The following SMG6 variants were observed in gnomAD, a reference collection of about 807,000 sequenced individuals.
SMG6 encodes the protein telomerase-binding protein EST1A.
Under a neutral mutation model 142.2 loss-of-function variants are expected in SMG6, and 66 were observed. The observed-to-expected ratio is 0.46, with a 90% CI of 0.38 to 0.57. The LOEUF (loss-of-function observed/expected upper bound fraction) is 0.57. SMG6 is among the 20% of genes least tolerant of loss of function. The probability of loss-of-function intolerance (pLI) is 0.00; values close to 1 mark genes in which losing one functional copy is unlikely to be tolerated. For synonymous variants in SMG6, 779 were observed against 702.4 expected, an observed-to-expected ratio of 1.11 and a Z score of -1.72; for missense variants, 1,793 against 1,832.0, an observed-to-expected ratio of 0.98 and a Z score of 0.39.
At chr17:2,147,420 C>T (rs1230591916) in intron 13 of SMG6, among the ~76,000 whole-genome samples, 1 of 151,970 alleles carries the variant, frequency 6.6e-6, no homozygotes. Context: ...TTATAGGCCA[C>T]ACAAGTAGCT....
chr17:2,201,583 G>A (rs560944444), intron 10 of SMG6, among the ~76,000 whole-genome samples: 11 of 150,616 alleles, frequency 7.3e-5, no homozygotes, highest in African/African-American at 2.0e-4. Flanking sequence ...TGCCAACTAC[G>A]CAGGAGAATA....
At chr17:2,258,062 C>CATATATATATAT (rs373477381) in intron 8 of SMG6, among the ~76,000 whole-genome samples, 3 of 120,322 alleles carry the variant, frequency 2.5e-5, no homozygotes, top group Non-Finnish European at 5.2e-5. Flanking sequence ...CACACACACA[C>CATATATATATAT]ACACATATAT....
chr17:2,274,837 A>G (rs940301158), intron 8 of SMG6, among the ~76,000 whole-genome samples: 1 of 152,172 alleles, frequency 6.6e-6, no homozygotes, highest in South Asian at 2.1e-4. Context: ...ACAAACACCT[A>G]TTGGCCACAT....
chr17:2,256,702 G>T lies in SMG6; in HGVS notation c.2662-11983C>A, dbSNP rs145369474. The stretch of plus-strand genomic sequence containing the variant: ...AGGTGGGAGAACTGCTGGAGCCTGG[G>T]AGGCAGAGATTGCAGTGAGCCGTGA... On this transcript the variant is annotated intron_variant, in intron 8 of 18. Coordinates refer to ENST00000263073, the MANE Select transcript of SMG6 (RefSeq NM_017575.5). Among the ~76,000 whole-genome samples the T allele has an allele frequency of 5.3e-3, 809 of 152,300 alleles. 12 individuals are homozygous for T. The highest frequency in any genetic ancestry group is 6.0e-3 in the South Asian group (29 of 4,822).
At chr17:2,240,083 C>T (rs1178652377) in intron 9 of SMG6, 1 of 152,212 alleles carries the variant, frequency 6.6e-6, no homozygotes, top group Admixed American at 6.5e-5. Context: ...GGCACCCCGA[C>T]TGAGTACTTC....
At chr17:2,278,495 G>A (rs1322942716) in intron 8 of SMG6, among the ~76,000 whole-genome samples, 3 of 152,092 alleles carry the variant, frequency 2.0e-5, no homozygotes, top group Non-Finnish European at 4.4e-5. Context: ...GTGAGCCACC[G>A]TACCCAGCCT....
chr17:2,280,834 G>C (rs1281333512), intron 8 of SMG6, among the ~76,000 whole-genome samples: 1 of 152,124 alleles, frequency 6.6e-6, no homozygotes, highest in Admixed American at 6.6e-5. Flanking sequence ...TGTAATCCCA[G>C]ATCTTTGGGA....
intron 8 of SMG6, among the ~76,000 whole-genome samples, chr17:2,278,094 C>T (rs2074702208): frequency 6.6e-6 from 1 of 152,042 alleles, no homozygotes; most frequent in African/African-American, 2.4e-5. Flanking sequence ...CAGGTATGTG[C>T]ATACACGTAT....
intron 10 of SMG6, among the ~76,000 whole-genome samples, chr17:2,221,892 C>T (rs189720440): frequency 1.3e-5 from 2 of 152,164 alleles, no homozygotes; most frequent in African/African-American, 4.8e-5. Context: ...TACTACCATG[C>T]CTGGCTAATT....
chr17:2,226,789 C>T (rs1190360642), intron 10 of SMG6, among the ~76,000 whole-genome samples: 4 of 151,518 alleles, frequency 2.6e-5, no homozygotes, highest in Non-Finnish European at 5.9e-5. Flanking sequence ...CAGCTACTCT[C>T]GGGAGGCTGA....
intron 15 of SMG6, among the ~76,000 whole-genome samples, chr17:2,072,363 G>A (rs8067305): frequency 0.64 from 97,083 of 151,944 alleles, 32,011 homozygotes; most frequent in African/African-American, 0.8. Flanking sequence ...TCTGAATCAG[G>A]TTGGTAGCAA....
chr17:2,282,251 T>A (rs1196193404), intron 8 of SMG6, among the ~76,000 whole-genome samples: 2 of 152,038 alleles, frequency 1.3e-5, no homozygotes, highest in Non-Finnish European at 2.9e-5. Context: ...AGAAAGCCCA[T>A]CACAAATCAG....
In SMG6 at chr17:2,094,418, T is replaced by C. The variant is rs568302672; in HGVS notation, c.3358-8517A>G. On this transcript the variant is annotated intron_variant, in intron 13 of 18. Coordinates refer to ENST00000263073, the MANE Select transcript of SMG6 (RefSeq NM_017575.5). ...CACACCCAGCTAAGTTTTGTATATT[T>C]AGTAGGGATGGGGTTTCACCATATT... is the stretch of plus-strand genomic sequence containing the variant. Among the ~76,000 whole-genome samples the C allele has an allele frequency of 2.0e-5, 3 of 152,188 alleles. No homozygotes were observed. In the South Asian group the frequency reaches 6.2e-4, roughly 32 times the overall value.
At chr17:2,091,840 T>TTGTG (rs140099975) in intron 13 of SMG6, among the ~76,000 whole-genome samples, 2 of 30,542 alleles carry the variant, frequency 6.5e-5, no homozygotes, top group Non-Finnish European at 8.5e-5. Flanking sequence ...CCAGCTAATT[T>TTGTG]TGTGTGTGTG....
intron 13 of SMG6, among the ~76,000 whole-genome samples, chr17:2,153,313 C>G (rs1455174381): frequency 6.6e-6 from 1 of 152,120 alleles, no homozygotes; most frequent in Non-Finnish European, 1.5e-5. Context: ...ATACGTCATT[C>G]TGGAAAAAGC....
chr17:2,145,533 G>A (rs573100358), intron 13 of SMG6, among the ~76,000 whole-genome samples: 1 of 151,066 alleles, frequency 6.6e-6, no homozygotes, highest in East Asian at 1.9e-4. Context: ...ACCTCATGTA[G>A]GGTGGGCGCA....
chr17:2,242,300 C>A (rs1376948214), intron 9 of SMG6, among the ~76,000 whole-genome samples: 1 of 142,146 alleles, frequency 7.0e-6, no homozygotes. Flanking sequence ...ACCACGAGGT[C>A]AGGAGATCGA....
chr17:2,173,700 T>C (rs918693555), intron 12 of SMG6, among the ~76,000 whole-genome samples: 2 of 152,172 alleles, frequency 1.3e-5, no homozygotes, highest in African/African-American at 4.8e-5. Context: ...AGAAGAAACC[T>C]TGAAACTGCA....
chr17:2,277,467 A>G (rs1269203643), intron 8 of SMG6, among the ~76,000 whole-genome samples: 1 of 152,084 alleles, frequency 6.6e-6, no homozygotes, highest in Admixed American at 6.6e-5. Flanking sequence ...GCCCGGCCAT[A>G]TTTACGTATT....
Sources: gnomAD v4.1 joint callset for allele counts (sites outside exome capture counted in the v4.1 genomes callset) on GRCh38, gnomAD v4.1.1 for gene constraint, MANE v1.5 for transcripts, NCBI Gene and HGNC (gene_info 2026-07-23, HGNC 2026-07-21) for gene names.